Variants in SPTB observed in about 807,000 individuals in gnomAD.
SPTB encodes spectrin beta chain, erythrocytic.
Under a neutral mutation model 256.2 loss-of-function variants are expected in SPTB, and 45 were observed. That is an observed-to-expected ratio of 0.18 (90% CI 0.14 to 0.23). SPTB has a LOEUF of 0.23. SPTB is among the 10% of genes least tolerant of loss of function. The probability of loss-of-function intolerance (pLI) is 1.00; values close to 1 mark genes in which losing one functional copy is unlikely to be tolerated. For synonymous variants in SPTB, 1,231 were observed against 1,243.1 expected (o/e 0.99, Z 0.21); for missense variants, 2,715 against 3,040.4 (o/e 0.89, Z 2.52).
chr14:64,753,694 TG>T lies in SPTB; in HGVS notation c.6444del (p.Thr2149ArgfsTer8). The T allele has an allele frequency of 6.2e-7, 1 of 1,613,758 alleles. No homozygotes were observed. The highest frequency in any genetic ancestry group is 8.5e-7 in the Non-Finnish European group (1 of 1,180,022). On this transcript the variant is annotated frameshift_variant, in exon 33 of 36. Coordinates refer to ENST00000644917, the MANE Select transcript of SPTB (RefSeq NM_001355436.2). LOFTEE classifies it high-confidence loss of function. ...GQKSTGDERP[T>X]TEPLFKVLDT... The stretch of plus-strand genomic sequence containing the variant: ...TCTAGGACCTTAAAGAGGGGCTCCG[TG>T]GTGGGCCTCTCATCCCCAGTGGATT...
intron 1 of SPTB, among the ~76,000 whole-genome samples, chr14:64,838,345 C>T (rs575422705): frequency 9.2e-5 from 14 of 152,098 alleles, no homozygotes; most frequent in East Asian, 3.9e-4. Flanking sequence ...TTGTGGCATT[C>T]GGTTAAGCAA....
At chr14:64,787,261 C>T (rs186518740) in intron 15 of SPTB, 101 bp from the exon 16 acceptor site, 3 of 1,473,198 alleles carry the variant, frequency 2.0e-6, no homozygotes, top group African/African-American at 2.8e-5. Context: ...CCACAAGTCT[C>T]CCCCCACAGA....
rs1028558830 is a variant in SPTB, at chr14:64,827,676, A to C, written c.-51-4531T>G. On this transcript the variant is annotated intron_variant, in intron 1 of 35. Transcript: ENST00000644917. The surrounding 1 kb of genome is among the most constrained non-coding windows in gnomAD (Gnocchi z 4.6). ...AATACACAAAAACACATGTGCACAC[A>C]CTCACTAGAATGAGAAGCAATAAGA... Among the ~76,000 whole-genome samples the C allele has an allele frequency of 2.0e-5, 3 of 152,180 alleles. No homozygotes were observed. Among genetic ancestry groups the C allele is most frequent in the African/African-American group, 7.2e-5 (3 of 41,432 alleles).
rs190226325 is a variant in SPTB at position 64,830,352 on chromosome 14, A to G, written c.-51-7207T>C. Among the ~76,000 whole-genome samples, 303 of 129,162 alleles carry G rather than the reference A, an allele frequency of 2.3e-3. 3 individuals carry two copies. Among genetic ancestry groups the G allele is most frequent in the African/African-American group, 0.01 (294 of 28,272 alleles). The allele number at this position is 129,162 out of a possible 152,430, so 84.7% of individuals were successfully genotyped here. A position where few individuals can be genotyped will look rare whatever the true frequency, so the allele number is the denominator to read the frequency against. On this transcript the variant is annotated intron_variant, in intron 1 of 35. Coordinates refer to ENST00000644917, the MANE Select transcript of SPTB (RefSeq NM_001355436.2). ...CTGGAGTCTTATTATTATTATTATT[A>G]TTATTATTATTATTATTATTATTAT...
rs2083388359 is a variant in SPTB, at chr14:64,827,175, C to T, written c.-51-4030G>A. Among the ~76,000 whole-genome samples, 1 of 152,150 alleles carries T rather than the reference C, an allele frequency of 6.6e-6. No individual in the cohort carries two copies. Among genetic ancestry groups the T allele is most frequent in the African/African-American group, 2.4e-5 (1 of 41,430 alleles). Reference sequence around the variant, plus strand: ...GGACCCATGTCAGCCCTCGCCGAAGCCCCGAGCAGAAGAGGCAGCTGTTCT... The same window carrying T: ...GGACCCATGTCAGCCCTCGCCGAAGTCCCGAGCAGAAGAGGCAGCTGTTCT... On this transcript the variant is annotated intron_variant, in intron 1 of 35. Coordinates refer to ENST00000644917, the MANE Select transcript of SPTB (RefSeq NM_001355436.2). This position sits in a 1 kb window ranked among gnomAD's most constrained non-coding sequence, Gnocchi z 4.6.
Position 64,799,939 on chromosome 14 carries a change from G to T in SPTB, c.877-5C>A. On this transcript the variant is annotated splice_polypyrimidine_tract_variant and splice_region_variant and intron_variant, in intron 8 of 35. Transcript: ENST00000644917. ...CTCAATGGCATGGTCAATAACCTAA[G>T]GAATCATCTTCTTACTTATTCTCAT... 6.2e-7 allele frequency: 1 copy of T among 1,614,126 alleles called. No individual in the cohort carries two copies. The highest frequency in any genetic ancestry group is 8.5e-7 in the Non-Finnish European group (1 of 1,180,022).
In SPTB at chr14:64,786,937, G is replaced by T. The variant is rs377620114; in HGVS notation, c.3028C>A (p.Arg1010Ser). ...GACTCACGCTCCAGGGCATCCACAC[G>T]GGCCTGGATGGCGGCCACGTCACGC... ...LERDVAAIQA[R>S]VDALERESQQ... The change falls in exon 16 of 36, where the codon CGT becomes AGT. Residue 1010 changes from arginine to serine, a missense_variant. Transcript: ENST00000644917. This position sits in a 1 kb window ranked among gnomAD's most constrained non-coding sequence, Gnocchi z 5.6. The T allele has an allele frequency of 3.7e-6, 6 of 1,613,452 alleles. No individual in the cohort carries two copies. In the South Asian group the frequency reaches 5.5e-5, roughly 15 times the overall value.
At chr14:64,773,447 C>A in intron 24 of SPTB, 23 bp from the exon 25 acceptor site, 1 of 1,611,704 alleles carries the variant, frequency 6.2e-7, no homozygotes, top group Non-Finnish European at 8.5e-7. Flanking sequence ...ACCAAAAAGG[C>A]CCTCAGAGAC....
intron 1 of SPTB, among the ~76,000 whole-genome samples, chr14:64,858,448 T>A (rs2083907008): frequency 6.6e-6 from 1 of 151,858 alleles, no homozygotes; most frequent in Non-Finnish European, 1.5e-5. Flanking sequence ...AGGTATGAAA[T>A]GAGAACACAG....
At position 64,786,255 on chromosome 14, in the gene SPTB, A is replaced by G; in HGVS notation, c.3561+149T>C. The G allele has an allele frequency of 8.3e-7, 1 of 1,211,238 alleles. No individual in the cohort carries two copies. Among genetic ancestry groups the G allele is most frequent in the Non-Finnish European group, 1.2e-6 (1 of 829,930 alleles). 75.0% of individuals were successfully genotyped at this position (1,211,238 alleles called of 1,614,324 possible). ...GGACACAAGGCTGGAAAAGGCCCCT[A>G]ATGAGAAACAAAGATTTCCCCCATG... On this transcript the variant is annotated intron_variant, in intron 16 of 35. Transcript: ENST00000644917. This position sits in a 1 kb window ranked among gnomAD's most constrained non-coding sequence, Gnocchi z 5.6.
rs548407930 is a variant in SPTB, at chr14:64,777,644, T to C, written c.4563+1513A>G. Among the ~76,000 whole-genome samples, 21 of 152,160 alleles carry C rather than the reference T, an allele frequency of 1.4e-4. No individual in the cohort carries two copies. The highest frequency in any genetic ancestry group is 1.0e-4 in the Non-Finnish European group (7 of 68,028). On this transcript the variant is annotated intron_variant, in intron 22 of 35. Transcript: ENST00000644917. The surrounding 1 kb of genome is among the most constrained non-coding windows in gnomAD (Gnocchi z 4.5). ...ATTAGGCTCTACCCCCAGAGCTTGA[T>C]GCAGTAGGGATCTGGGGGTGGCACC...
chr14:64,801,924 G>C, intron 5 of SPTB, 90 bp from the exon 6 acceptor site: 1 of 1,287,846 alleles, frequency 7.8e-7, no homozygotes, highest in South Asian at 1.2e-5. Flanking sequence ...TACCAGGAGA[G>C]AAATGGAACT....
chr14:64,860,592 A>G (rs1210403639), intron 1 of SPTB, among the ~76,000 whole-genome samples: 1 of 152,162 alleles, frequency 6.6e-6, no homozygotes, highest in South Asian at 2.1e-4. Context: ...ACAGTAGGAC[A>G]CTAAAAAAGA....
At position 64,785,851 on chromosome 14, in the gene SPTB, C is replaced by T. The variant is rs201849832; in HGVS notation, c.3662G>A (p.Arg1221Gln). The T allele has an allele frequency of 8.1e-6, 13 of 1,614,114 alleles. No individual in the cohort carries two copies. Among genetic ancestry groups the T allele is most frequent in the South Asian group, 4.4e-5 (4 of 91,080 alleles). ...EDFLGSMENN[R>Q]DKVLSPVDSG... ...GTCCACAGGACTCAAGACCTTATCCCGGTTGTTCTCCATAGACCCCAAGAA... is the reference window on the plus strand; with the variant it reads ...GTCCACAGGACTCAAGACCTTATCCTGGTTGTTCTCCATAGACCCCAAGAA... Residue 1221 changes from arginine (R) to glutamine (Q), a missense_variant, in exon 17 of 36, where the codon CGG (arginine) becomes CAG (glutamine). Arg to Gln is a conservative substitution (Grantham distance 43, BLOSUM62 1). Coordinates refer to ENST00000644917, the MANE Select transcript of SPTB (RefSeq NM_001355436.2). The surrounding 1 kb of genome is among the most constrained non-coding windows in gnomAD (Gnocchi z 4.4).
intron 33 of SPTB, 57 bp downstream of exon 33, chr14:64,753,480 A>G: frequency 6.2e-7 from 1 of 1,610,668 alleles, no homozygotes; most frequent in Non-Finnish European, 8.5e-7. Context: ...CTGCTAGCAG[A>G]GAGATCCCTG....
chr14:64,853,890 T>C lies in SPTB; in HGVS notation c.-52+25902A>G, dbSNP rs899068992. Among the ~76,000 whole-genome samples the C allele has an allele frequency of 6.6e-6, 1 of 152,100 alleles. No homozygotes were observed. Among genetic ancestry groups the C allele is most frequent in the South Asian group, 2.1e-4 (1 of 4,824 alleles). ...GACTCAAGAGACATTTATTAAAAAT[T>C]TTTTTAGATACTTATCACTGGCCAG... On this transcript the variant is annotated intron_variant, in intron 1 of 35. Transcript: ENST00000644917. The surrounding 1 kb of genome is among the most constrained non-coding windows in gnomAD (Gnocchi z 4.3).
intron 1 of SPTB, among the ~76,000 whole-genome samples, chr14:64,848,452 G>A (rs2083728383): frequency 6.6e-6 from 1 of 152,078 alleles, no homozygotes; most frequent in Admixed American, 6.5e-5. Flanking sequence ...TCTTGCTGAT[G>A]GTACCATTTT....
In SPTB at chr14:64,769,624, G is replaced by C. The variant is rs1482611902; in HGVS notation, c.5903C>G (p.Ser1968Cys). The C allele has an allele frequency of 6.2e-7, 1 of 1,614,088 alleles. No individual in the cohort carries two copies. Among genetic ancestry groups the C allele is most frequent in the South Asian group, 1.1e-5 (1 of 91,084 alleles). Residue 1968 changes from serine (S) to cysteine (C), a missense_variant, in exon 28 of 36, where the codon TCC becomes TGC. Physicochemically the swap from Ser to Cys is moderately radical, Grantham distance 112. Around this residue, in one of 4 missense-constraint regions of SPTB, gnomAD observed 2,239 missense variants for 2,384.4 expected, o/e 0.94. Coordinates refer to ENST00000644917, the MANE Select transcript of SPTB (RefSeq NM_001355436.2). ...NFSACLELGESLLQRQHQASE... is the reference protein window; with the variant it reads ...NFSACLELGECLLQRQHQASE... ...GGCCTGGTGCTGCCGCTGCAGCAGG[G>C]ACTCGCCAAGCTCCAGGCAGGCACT...
rs1473357789 is a variant in SPTB at position 64,802,467 on chromosome 14, G to T, written c.475-150C>A. 12 of 746,742 alleles carry T rather than the reference G, an allele frequency of 1.6e-5. No homozygotes were observed. The highest frequency in any genetic ancestry group is 2.8e-5 in the Non-Finnish European group (12 of 425,658). The allele number at this position is 746,742 out of a possible 1,614,324, so 46.3% of individuals were successfully genotyped here. The stretch of plus-strand genomic sequence containing the variant: ...CCAGTATAAATGGCGCTTGGGTTGG[G>T]TCTCCCTTCATGTGCCCTGCTCCCT... On this transcript the variant is annotated intron_variant, in intron 4 of 35. Coordinates refer to ENST00000644917, the MANE Select transcript of SPTB (RefSeq NM_001355436.2). The surrounding 1 kb of genome is among the most constrained non-coding windows in gnomAD (Gnocchi z 5.1).
Sources: allele counts gnomAD v4.1 joint callset (sites outside exome capture counted in the v4.1 genomes callset), GRCh38; gene constraint gnomAD v4.1.1; regional missense constraint gnomAD v4.1.1; non-coding constraint Gnocchi (gnomAD v3.1); transcripts MANE v1.5; gene names NCBI Gene and HGNC (gene_info 2026-07-23, HGNC 2026-07-21).